VPS35L: variants seen among roughly 807,000 people sequenced by gnomAD.
VPS35L encodes VPS35 endosomal protein-sorting factor-like.
In VPS35L, 83 loss-of-function variants were observed where a neutral mutation model predicts 133.0. That is an observed-to-expected ratio of 0.62 (90% CI 0.52 to 0.75). VPS35L has a LOEUF of 0.75. VPS35L is among the 30% of genes least tolerant of loss of function. The pLI is 0.00. For missense variants in VPS35L, 1,083 were observed against 1,206.8 expected (o/e 0.90, Z 1.52); for synonymous variants, 423 against 449.9 (o/e 0.94, Z 0.76).
intron 23 of VPS35L, 34 bp downstream of exon 23, chr16:19,644,983 G>GAA: frequency 1.4e-6 from 2 of 1,403,900 alleles, no homozygotes; most frequent in South Asian, 2.4e-5. Context: ...AGTGCACTTG[G>GAA]AAGTGTGATG....
chr16:19,610,108 T>C (rs1972663187), intron 11 of VPS35L, among the ~76,000 whole-genome samples: 1 of 152,158 alleles, frequency 6.6e-6, no homozygotes, highest in Non-Finnish European at 1.5e-5. Context: ...ATGATAACGA[T>C]GAAAGAAATC....
intron 26 of VPS35L, among the ~76,000 whole-genome samples, chr16:19,661,253 CT>C (rs1427502829): frequency 6.6e-6 from 1 of 151,588 alleles, no homozygotes; most frequent in East Asian, 1.9e-4. Context: ...CAAATTATTT[CT>C]TCAAATGGCC....
intron 18 of VPS35L, among the ~76,000 whole-genome samples, chr16:19,631,759 A>G (rs1973462055): frequency 6.6e-6 from 1 of 152,140 alleles, no homozygotes; most frequent in Admixed American, 6.5e-5. Context: ...CCCAGACTGG[A>G]GTCCAGTGGT....
At chr16:19,611,874 A>G (rs1972733225) in intron 12 of VPS35L, 1 of 151,870 alleles carries the variant, frequency 6.6e-6, no homozygotes, top group Non-Finnish European at 1.5e-5. Flanking sequence ...CTGAGGCCCT[A>G]CTGTGCACAG....
chr16:19,595,103 A>G (rs1254171723), intron 8 of VPS35L, among the ~76,000 whole-genome samples: 1 of 152,136 alleles, frequency 6.6e-6, no homozygotes. Flanking sequence ...ACATGGTCAG[A>G]GATCATGGTG....
intron 28 of VPS35L, among the ~76,000 whole-genome samples, chr16:19,685,737 TGGCGA>T (rs1975434719): frequency 6.6e-6 from 1 of 152,334 alleles, no homozygotes; most frequent in African/African-American, 2.4e-5. Flanking sequence ...CTCTGATGGC[TGGCGA>T]GGTTGAACAC....
intron 7 of VPS35L, 108 bp from the exon 8 acceptor site, chr16:19,591,682 G>GT (rs1353970441): frequency 1.3e-6 from 1 of 785,244 alleles, no homozygotes; most frequent in Non-Finnish European, 2.1e-6. Flanking sequence ...TTGGCACATA[G>GT]TAAGTATCTC....
intron 28 of VPS35L, among the ~76,000 whole-genome samples, chr16:19,682,755 G>A (rs1975332587): frequency 1.3e-5 from 2 of 152,108 alleles, no homozygotes; most frequent in Admixed American, 1.3e-4. Context: ...CCAACTACTC[G>A]GGAGACTGAG....
chr16:19,691,968 G>A (rs780060414), intron 29 of VPS35L, among the ~76,000 whole-genome samples: 63 of 151,244 alleles, frequency 4.2e-4, no homozygotes, highest in Non-Finnish European at 2.1e-4. Flanking sequence ...TCCGCCTCCC[G>A]GGTTCAGGCG....
At chr16:19,597,386 G>A (rs904184277) in intron 8 of VPS35L, among the ~76,000 whole-genome samples, 1 of 148,502 alleles carries the variant, frequency 6.7e-6, no homozygotes, top group Non-Finnish European at 1.5e-5. Flanking sequence ...AAAAAAAAAA[G>A]AAAGGAGGAA....
At chr16:19,619,582 G>A (rs948732648) in intron 14 of VPS35L, among the ~76,000 whole-genome samples, 10 of 151,874 alleles carry the variant, frequency 6.6e-5, no homozygotes, top group Admixed American at 1.3e-4. Flanking sequence ...TTATTTTAGC[G>A]AAAGGCAAAA....
intron 26 of VPS35L, among the ~76,000 whole-genome samples, chr16:19,658,134 T>C (rs1974363897): frequency 6.6e-6 from 1 of 152,124 alleles, no homozygotes; most frequent in South Asian, 2.1e-4. Context: ...ATAGTTAAAT[T>C]ATAACCTGCA....
At chr16:19,636,697 A>T (rs1973632475) in intron 19 of VPS35L, among the ~76,000 whole-genome samples, 1 of 152,194 alleles carries the variant, frequency 6.6e-6, no homozygotes. Flanking sequence ...TTGAAACAGC[A>T]GTTTTTTTAG....
chr16:19,639,950 C>T lies in VPS35L; in HGVS notation c.1699-65C>T, dbSNP rs752895093. The T allele has an allele frequency of 5.1e-6, 7 of 1,382,126 alleles. No homozygotes were observed. The highest frequency in any genetic ancestry group is 7.2e-6 in the Non-Finnish European group (7 of 978,684). The allele number at this position is 1,382,126 out of a possible 1,614,324, so 85.6% of individuals were successfully genotyped here. On this transcript the variant is annotated intron_variant, in intron 20 of 30. Transcript: ENST00000417362. This position sits in a 1 kb window ranked among gnomAD's most constrained non-coding sequence, Gnocchi z 4.1. Reference sequence around the variant, plus strand: ...TCTTTGAACTCCACAGAAAAAGAGACCCACAGATTCCTTCCTTCCAATAAC... The same window carrying T: ...TCTTTGAACTCCACAGAAAAAGAGATCCACAGATTCCTTCCTTCCAATAAC...
At chr16:19,654,748 G>T (rs934248338) in intron 26 of VPS35L, among the ~76,000 whole-genome samples, 5 of 152,044 alleles carry the variant, frequency 3.3e-5, no homozygotes, top group African/African-American at 1.2e-4. Flanking sequence ...ACCTGAGTTG[G>T]TTTTACCTGC....
intron 25 of VPS35L, among the ~76,000 whole-genome samples, chr16:19,651,204 AT>A (rs1974112910): frequency 6.6e-6 from 1 of 151,718 alleles, no homozygotes; most frequent in African/African-American, 2.4e-5. Flanking sequence ...TTGAAAAATC[AT>A]TTTCAGCTTC....
intron 27 of VPS35L, among the ~76,000 whole-genome samples, chr16:19,681,412 C>T (rs1489035534): frequency 7.9e-5 from 12 of 152,212 alleles, no homozygotes; most frequent in African/African-American, 1.7e-4. Context: ...GGGTTCCAAT[C>T]GTGCTGTTCT....
In VPS35L at chr16:19,623,730, CT is replaced by C. The variant is rs202081137; in HGVS notation, c.1225-2439del. Among the ~76,000 whole-genome samples the C allele has an allele frequency of 5.4e-3, 794 of 146,382 alleles. 6 individuals carry two copies. The highest frequency in any genetic ancestry group is 0.019 in the African/African-American group (747 of 39,764). On this transcript the variant is annotated intron_variant, in intron 14 of 30. Transcript: ENST00000417362. ...TGGGTCCAGACGTAGATATAGATCC[CT>C]TTTTTTTCTTTATTTTTTACTTTTT...
chr16:19,697,618 T>C (rs927752490), intron 29 of VPS35L, among the ~76,000 whole-genome samples: 2 of 151,830 alleles, frequency 1.3e-5, no homozygotes, highest in South Asian at 2.1e-4. Flanking sequence ...CTGTGGAACG[T>C]TGGATGGATA....
Sources: allele counts gnomAD v4.1 joint callset (sites outside exome capture counted in the v4.1 genomes callset), GRCh38; gene constraint gnomAD v4.1.1; non-coding constraint Gnocchi (gnomAD v3.1); transcripts MANE v1.5; gene names NCBI Gene and HGNC (gene_info 2026-07-23, HGNC 2026-07-21).